The following ADAP1 variants were observed in gnomAD, a reference collection of about 807,000 sequenced individuals.
ADAP1 encodes the protein arf-GAP with dual PH domain-containing protein 1.
Under a neutral mutation model 54.9 loss-of-function variants are expected in ADAP1, and 31 were observed. That is an observed-to-expected ratio of 0.56 (90% confidence interval 0.42 to 0.76). The LOEUF is 0.76. ADAP1 is among the 30% of genes least tolerant of loss of function. The probability of loss-of-function intolerance (pLI) is 0.00; values close to 1 mark genes in which losing one functional copy is unlikely to be tolerated. For synonymous variants in ADAP1, 313 were observed against 202.6 expected (o/e 1.55, Z -4.63); for missense variants, 535 against 512.4 (o/e 1.04, Z -0.42).
At chr7:950,048 C>T (rs557241436) in intron 1 of ADAP1, among the ~76,000 whole-genome samples, 1 of 152,386 alleles carries the variant, frequency 6.6e-6, no homozygotes. Context: ...AGCCCAGTGT[C>T]CGCCTGCAGA....
intron 1 of ADAP1, among the ~76,000 whole-genome samples, chr7:936,895 G>A (rs1047737132): frequency 6.6e-6 from 1 of 152,220 alleles, no homozygotes; most frequent in Admixed American, 6.5e-5. Flanking sequence ...AACGCTGATC[G>A]GGGCCCACCC....
chr7:909,682 C>T (rs995535326), intron 4 of ADAP1, among the ~76,000 whole-genome samples: 1 of 152,254 alleles, frequency 6.6e-6, no homozygotes, highest in South Asian at 2.1e-4. Context: ...ACAGAGCAGC[C>T]CCTCACACGG....
intron 3 of ADAP1, among the ~76,000 whole-genome samples, chr7:923,774 G>A (rs1187281844): frequency 1.3e-5 from 2 of 152,150 alleles, no homozygotes; most frequent in Middle Eastern, 3.2e-3. Context: ...TAGCTCCTGC[G>A]AAGACGCCAC....
intron 6 of ADAP1, among the ~76,000 whole-genome samples, chr7:903,341 C>T (rs1013835651): frequency 5.3e-5 from 8 of 152,136 alleles, no homozygotes; most frequent in East Asian, 1.9e-4. Flanking sequence ...TCTACTTCCA[C>T]GTGGGAAGTT....
At chr7:943,275 AGAG>A (rs1245528123) in intron 1 of ADAP1, among the ~76,000 whole-genome samples, 4 of 20,080 alleles carry the variant, frequency 2.0e-4, no homozygotes, top group Admixed American at 4.0e-4. Context: ...AGGAAGGGAG[AGAG>A]GAGGAGGAAG....
At chr7:951,784 T>C (rs1001936803) in intron 1 of ADAP1, among the ~76,000 whole-genome samples, 1 of 152,210 alleles carries the variant, frequency 6.6e-6, no homozygotes, top group Non-Finnish European at 1.5e-5. Context: ...GGGCATCAGA[T>C]GGCCTGAGAC....
chr7:901,999 G>A (rs546911271), intron 6 of ADAP1, among the ~76,000 whole-genome samples: 74 of 152,190 alleles, frequency 4.9e-4, no homozygotes, highest in South Asian at 2.5e-3. Flanking sequence ...CATGCCTGGT[G>A]CACTCCACGC....
At chr7:904,778 C>G (rs1449040242) in intron 5 of ADAP1, among the ~76,000 whole-genome samples, 1 of 152,246 alleles carries the variant, frequency 6.6e-6, no homozygotes, top group African/African-American at 2.4e-5. Flanking sequence ...CCAGAGGGGC[C>G]CAGTGACTAG....
At chr7:947,214 G>GTTTTTT (rs373444087) in intron 1 of ADAP1, among the ~76,000 whole-genome samples, 3 of 84,178 alleles carry the variant, frequency 3.6e-5, no homozygotes, top group African/African-American at 4.7e-5. Flanking sequence ...TGATTTTTTG[G>GTTTTTT]TTTTTTTTTT....
At chr7:921,722 G>A (rs1421121872) in intron 3 of ADAP1, among the ~76,000 whole-genome samples, 5 of 152,226 alleles carry the variant, frequency 3.3e-5, no homozygotes, top group South Asian at 2.1e-4. Context: ...GTGTGACCAC[G>A]GAGGAGTTGC....
intron 2 of ADAP1, 106 bp downstream of exon 2, chr7:935,269 A>G (rs71538121): frequency 0.18 from 261,063 of 1,448,170 alleles, 25,295 homozygotes; most frequent in African/African-American, 0.35. Flanking sequence ...GAGTAGCCCA[A>G]GGCTCCAGGG....
rs1460841744 is a variant in ADAP1, at chr7:946,584, T to A, written c.82+7812A>T. ...CTGCCCTCCCACCCTCTCTCCCTCC[T>A]GGTGCTCCAGCCCCATGGCGGGAAC... is the stretch of plus-strand genomic sequence containing the variant. On this transcript the variant is annotated intron_variant, in intron 1 of 10. Transcript: ENST00000265846. This position sits in a 1 kb window ranked among gnomAD's most constrained non-coding sequence, Gnocchi z 4.3. Among the ~76,000 whole-genome samples, 2 of 87,672 alleles carry A rather than the reference T, an allele frequency of 2.3e-5. No individual in the cohort carries two copies. Among genetic ancestry groups the A allele is most frequent in the African/African-American group, 4.5e-5 (1 of 22,196 alleles). The allele number at this position is 87,672 out of a possible 152,430, so 57.5% of individuals were successfully genotyped here. A position where few individuals can be genotyped will look rare whatever the true frequency, so the allele number is the denominator to read the frequency against.
intron 2 of ADAP1, among the ~76,000 whole-genome samples, chr7:927,705 C>G (rs1424304018): frequency 6.6e-6 from 1 of 152,122 alleles, no homozygotes; most frequent in Non-Finnish European, 1.5e-5. Context: ...CCAACAGCAA[C>G]AGGACAAATC....
At chr7:933,005 C>T (rs1846632177) in intron 2 of ADAP1, among the ~76,000 whole-genome samples, 1 of 152,190 alleles carries the variant, frequency 6.6e-6, no homozygotes, top group Admixed American at 6.5e-5. Flanking sequence ...GGCATGGTGG[C>T]TCACGCCTGT....
At chr7:937,945 G>A (rs904059531) in intron 1 of ADAP1, among the ~76,000 whole-genome samples, 1 of 152,142 alleles carries the variant, frequency 6.6e-6, no homozygotes, top group Non-Finnish European at 1.5e-5. Flanking sequence ...AGGTCTCCAC[G>A]GGAGTCATGA....
At chr7:951,202 A>G (rs368459033) in intron 1 of ADAP1, among the ~76,000 whole-genome samples, 12 of 151,438 alleles carry the variant, frequency 7.9e-5, no homozygotes, top group Admixed American at 2.0e-4. Context: ...GTGAAACCCC[A>G]TCTCTACTAA....
rs1477059508 is a variant in ADAP1 at position 926,665 on chromosome 7, G to A, written c.214-21C>T. 4 of 1,529,922 alleles carry A rather than the reference G, an allele frequency of 2.6e-6. No homozygotes were observed. The highest frequency in any genetic ancestry group is 1.8e-6 in the Non-Finnish European group (2 of 1,137,826). The allele number at this position is 1,529,922 out of a possible 1,614,324, so 94.8% of individuals were successfully genotyped here. On this transcript the variant is annotated intron_variant, in intron 2 of 10. Coordinates refer to ENST00000265846, the MANE Select transcript of ADAP1 (RefSeq NM_006869.4). This position sits in a 1 kb window ranked among gnomAD's most constrained non-coding sequence, Gnocchi z 4.6. ...ATGAACTGCAAGAGAGGAGGGGCCG[G>A]GTCAGAGGCCTGGGGTCCCAGGGGC...
At chr7:936,964 C>G (rs1453049126) in intron 1 of ADAP1, among the ~76,000 whole-genome samples, 2 of 152,208 alleles carry the variant, frequency 1.3e-5, no homozygotes, top group Non-Finnish European at 2.9e-5. Flanking sequence ...TGGGGCTGGG[C>G]CTGGGCTCTG....
chr7:915,133 C>A (rs1470837341), intron 4 of ADAP1, among the ~76,000 whole-genome samples: 1 of 151,874 alleles, frequency 6.6e-6, no homozygotes, highest in African/African-American at 2.4e-5. Context: ...CAGTCTACGA[C>A]CCCATGCCCT....
Sources: allele counts gnomAD v4.1 joint callset (sites outside exome capture counted in the v4.1 genomes callset), GRCh38; gene constraint gnomAD v4.1.1; non-coding constraint Gnocchi (gnomAD v3.1); transcripts MANE v1.5; gene names NCBI Gene and HGNC (gene_info 2026-07-23, HGNC 2026-07-21).